The following BCL2 variants were observed in gnomAD, a reference collection of about 807,000 sequenced individuals.
The protein encoded by BCL2 is BCL2 apoptosis regulator.
In BCL2, 1 loss-of-function variant was observed where a neutral mutation model predicts 14.2. The ratio of observed to expected loss-of-function variants is 0.07; its 90% CI spans 0.02 to 0.33. The LOEUF (loss-of-function observed/expected upper bound fraction) is 0.33, where lower values mean the gene tolerates loss of function less well. Among genes scored for constraint, BCL2 ranks in the 10% least tolerant of loss-of-function variants. The pLI is 0.99. For synonymous variants in BCL2, 151 were observed against 137.2 expected (o/e 1.10, Z -0.70); for missense variants, 247 against 305.9 (o/e 0.81, Z 1.44).
At chr18:63,295,337 T>A (rs1912769735) in intron 2 of BCL2, among the ~76,000 whole-genome samples, 1 of 152,176 alleles carries the variant, frequency 6.6e-6, no homozygotes, top group Non-Finnish European at 1.5e-5. Flanking sequence ...ACCCAACTTG[T>A]GTCTGTCAAG....
chr18:63,168,571 G>A (rs1200055526), intron 2 of BCL2, among the ~76,000 whole-genome samples: 2 of 152,102 alleles, frequency 1.3e-5, no homozygotes, highest in African/African-American at 4.8e-5. Flanking sequence ...GAGGCTTATC[G>A]TCATCCATAG....
chr18:63,230,166 C>T (rs751104806), intron 2 of BCL2, among the ~76,000 whole-genome samples: 3 of 151,960 alleles, frequency 2.0e-5, no homozygotes, highest in Non-Finnish European at 4.4e-5. Context: ...TCATACAGAC[C>T]ACATTCTTCA....
chr18:63,234,624 T>C (rs1910772864), intron 2 of BCL2, among the ~76,000 whole-genome samples: 1 of 152,220 alleles, frequency 6.6e-6, no homozygotes, highest in South Asian at 2.1e-4. Context: ...GGGCCTTATC[T>C]GTGTGCTCAT....
intron 2 of BCL2, among the ~76,000 whole-genome samples, chr18:63,273,848 T>C (rs1337471155): frequency 6.6e-6 from 1 of 152,258 alleles, no homozygotes; most frequent in Non-Finnish European, 1.5e-5. Flanking sequence ...GACATCTTTT[T>C]GTTGCTTGGT....
At chr18:63,225,993 C>T (rs59117725) in intron 2 of BCL2, among the ~76,000 whole-genome samples, 18,387 of 152,062 alleles carry the variant, frequency 0.12, 1,906 homozygotes, top group African/African-American at 0.28. Context: ...GAAATGAGGT[C>T]GCACAAACAA....
At chr18:63,303,199 C>G (rs1382640448) in intron 2 of BCL2, among the ~76,000 whole-genome samples, 1 of 152,182 alleles carries the variant, frequency 6.6e-6, no homozygotes, top group Admixed American at 6.5e-5. Context: ...GAGATCATTT[C>G]TCTGGAACCA....
chr18:63,139,762 C>T (rs1465658477), intron 2 of BCL2, among the ~76,000 whole-genome samples: 1 of 152,188 alleles, frequency 6.6e-6, no homozygotes, highest in Non-Finnish European at 1.5e-5. Context: ...CATTCCATTA[C>T]CTTCTTTTGG....
chr18:63,199,094 A>ATGCACACACAC (rs1341590607), intron 2 of BCL2, among the ~76,000 whole-genome samples: 2 of 150,414 alleles, frequency 1.3e-5, no homozygotes, highest in Non-Finnish European at 3.0e-5. Context: ...AGACACACAA[A>ATGCACACACAC]TGCACACACA....
intron 2 of BCL2, among the ~76,000 whole-genome samples, chr18:63,172,674 G>C (rs1278704752): frequency 3.9e-5 from 6 of 152,096 alleles, no homozygotes; most frequent in Non-Finnish European, 7.4e-5. Context: ...CCAGCTACTC[G>C]GGAGGCTGAG....
At chr18:63,308,094 G>A (rs1599304441) in intron 2 of BCL2, among the ~76,000 whole-genome samples, 1 of 152,186 alleles carries the variant, frequency 6.6e-6, no homozygotes, top group African/African-American at 2.4e-5. Context: ...ATGCTGGCTT[G>A]AACCAGAATA....
At chr18:63,281,716 GAAAGAAAGAAAGAAAGAA>G (rs1912319512) in intron 2 of BCL2, among the ~76,000 whole-genome samples, 1 of 123,566 alleles carries the variant, frequency 8.1e-6, no homozygotes, top group Admixed American at 8.0e-5. Flanking sequence ...AAGAAAGAAA[GAAAGAAAGAAAGAAAGAA>G]AGAAAAAGAG....
At chr18:63,174,713 G>A (rs1012991875) in intron 2 of BCL2, among the ~76,000 whole-genome samples, 5 of 151,678 alleles carry the variant, frequency 3.3e-5, no homozygotes, top group Non-Finnish European at 7.4e-5. Context: ...CCAGCTACTC[G>A]GGGGGCTGAG....
intron 2 of BCL2, among the ~76,000 whole-genome samples, chr18:63,266,983 G>A (rs532345609): frequency 1.3e-5 from 2 of 152,338 alleles, no homozygotes. Context: ...AGAAAGCTCA[G>A]TAGGAGTTAG....
At chr18:63,255,749 C>T (rs759852987) in intron 2 of BCL2, among the ~76,000 whole-genome samples, 1 of 151,774 alleles carries the variant, frequency 6.6e-6, no homozygotes, top group African/African-American at 2.4e-5. Context: ...AGGACCTCAT[C>T]GATGTTTTAA....
At chr18:63,164,066 C>T (rs1914984569) in intron 2 of BCL2, among the ~76,000 whole-genome samples, 1 of 150,342 alleles carries the variant, frequency 6.7e-6, no homozygotes, top group Non-Finnish European at 1.5e-5. Context: ...GAGATGTCAT[C>T]TTCCAGGGAA....
In BCL2 at chr18:63,125,261, G is replaced by T. The variant is rs552589178; in HGVS notation, c.*3364C>A. ...AGTGAGCTGTGGAGAGAATGTTGGCGTCTTGTTTGAACTAAATTGAGGTGC... is the reference window on the plus strand; with the variant it reads ...AGTGAGCTGTGGAGAGAATGTTGGCTTCTTGTTTGAACTAAATTGAGGTGC... On this transcript the variant is annotated 3_prime_UTR_variant, in exon 3 of 3. Transcript: ENST00000333681. 10 of 226,048 alleles carry T rather than the reference G, an allele frequency of 4.4e-5. No individual in the cohort carries two copies. Among genetic ancestry groups the T allele is most frequent in the Non-Finnish European group, 5.3e-5 (6 of 113,580 alleles). The allele number at this position is 226,048 out of a possible 1,614,324, so 14.0% of individuals were successfully genotyped here.
intron 2 of BCL2, among the ~76,000 whole-genome samples, chr18:63,191,392 A>G (rs989735569): frequency 6.6e-6 from 1 of 152,126 alleles, no homozygotes; most frequent in Non-Finnish European, 1.5e-5. Flanking sequence ...TATTTTATTT[A>G]TTTTTATTTT....
intron 2 of BCL2, among the ~76,000 whole-genome samples, chr18:63,180,753 C>T (rs897925858): frequency 1.3e-5 from 2 of 152,200 alleles, no homozygotes; most frequent in Non-Finnish European, 2.9e-5. Context: ...ATGGGGCTCT[C>T]CATCATCAAG....
intron 2 of BCL2, among the ~76,000 whole-genome samples, chr18:63,175,125 A>C (rs899689973): frequency 6.6e-5 from 10 of 152,298 alleles, no homozygotes; most frequent in Admixed American, 6.5e-4. Context: ...AGCTTGGATA[A>C]AGTTCATTCC....
Sources: gnomAD v4.1 joint callset for allele counts (sites outside exome capture counted in the v4.1 genomes callset) on GRCh38, gnomAD v4.1.1 for gene constraint, MANE v1.5 for transcripts, NCBI Gene and HGNC (gene_info 2026-07-23, HGNC 2026-07-21) for gene names.